Variants in CTNNA2 observed in about 807,000 individuals in gnomAD.
CTNNA2 encodes catenin alpha-2.
CTNNA2 carries 42 observed loss-of-function variants against 101.0 expected under a neutral mutation model. The observed-to-expected ratio is 0.42, with a 90% CI of 0.32 to 0.54. The LOEUF (loss-of-function observed/expected upper bound fraction) is 0.54. Ranked by LOEUF, CTNNA2 falls within the 20% of genes least tolerant of loss-of-function variation. The pLI, the probability that CTNNA2 is intolerant of heterozygous loss-of-function variation, is 0.14. For synonymous variants in CTNNA2, 450 were observed against 456.4 expected (o/e 0.99, Z 0.18); for missense variants, 871 against 1,223.1 (o/e 0.71, Z 4.29).
intron 7 of CTNNA2, among the ~76,000 whole-genome samples, chr2:80,006,895 G>A (rs954857953): frequency 2.0e-5 from 3 of 152,130 alleles, no homozygotes; most frequent in Non-Finnish European, 4.4e-5. Context: ...CAAGAGTTGA[G>A]AACTTACCCT....
intron 7 of CTNNA2, among the ~76,000 whole-genome samples, chr2:80,258,383 A>G (rs1672334850): frequency 6.6e-6 from 1 of 152,194 alleles, no homozygotes; most frequent in Admixed American, 6.5e-5. Context: ...TAATTTGTGC[A>G]ACACTTTTTC....
intron 7 of CTNNA2, among the ~76,000 whole-genome samples, chr2:79,998,610 C>T (rs531868777): frequency 6.6e-6 from 1 of 152,076 alleles, no homozygotes; most frequent in African/African-American, 2.4e-5. Flanking sequence ...GAAAGATAAA[C>T]CTTCCCAAAC....
At chr2:79,993,131 A>G (rs576966079) in intron 7 of CTNNA2, among the ~76,000 whole-genome samples, 2 of 152,320 alleles carry the variant, frequency 1.3e-5, no homozygotes, top group East Asian at 3.9e-4. Context: ...CAGAGTGGTT[A>G]CTTCCTAACT....
At chr2:79,796,126 T>C (rs1162489544) in intron 3 of CTNNA2, among the ~76,000 whole-genome samples, 4 of 152,202 alleles carry the variant, frequency 2.6e-5, no homozygotes, top group African/African-American at 9.6e-5. Context: ...TTTTTGATAC[T>C]TGGGGTACTA....
chr2:79,379,478 AC>A (rs1678016100), intron 4 of CTNNA2, among the ~76,000 whole-genome samples: 1 of 152,106 alleles, frequency 6.6e-6, no homozygotes, highest in African/African-American at 2.4e-5. Context: ...CATACTGCAT[AC>A]CTTTCCCTTT....
chr2:79,752,585 A>G (rs974646463), intron 3 of CTNNA2, among the ~76,000 whole-genome samples: 1 of 152,204 alleles, frequency 6.6e-6, no homozygotes, highest in African/African-American at 2.4e-5. Flanking sequence ...TATCATTGCA[A>G]TACATATTGA....
chr2:80,604,456 ATTGTC>A (rs1430678667), intron 16 of CTNNA2, among the ~76,000 whole-genome samples: 1 of 151,872 alleles, frequency 6.6e-6, no homozygotes, highest in East Asian at 1.9e-4. Context: ...AGAGTCACGG[ATTGTC>A]CCAGGCTTCC....
chr2:80,522,004 C>A (rs1391441795), intron 9 of CTNNA2, among the ~76,000 whole-genome samples: 1 of 151,974 alleles, frequency 6.6e-6, no homozygotes, highest in Non-Finnish European at 1.5e-5. Flanking sequence ...AATATACAGC[C>A]CCAAGTGGTT....
chr2:79,827,174 G>A (rs1678512651), intron 3 of CTNNA2, among the ~76,000 whole-genome samples: 1 of 151,960 alleles, frequency 6.6e-6, no homozygotes, highest in African/African-American at 2.4e-5. Context: ...GAGTAGCTAG[G>A]ATTACAGGCG....
intron 4 of CTNNA2, among the ~76,000 whole-genome samples, chr2:79,465,126 G>T (rs1193370687): frequency 2.0e-5 from 3 of 152,136 alleles, no homozygotes; most frequent in South Asian, 4.1e-4. Flanking sequence ...GGTCTAACAT[G>T]TAAGTCTTTA....
At chr2:79,185,881 T>A (rs565182054) in intron 1 of CTNNA2, among the ~76,000 whole-genome samples, 1 of 152,170 alleles carries the variant, frequency 6.6e-6, no homozygotes, top group Non-Finnish European at 1.5e-5. Flanking sequence ...AAAGGGAAGA[T>A]GTGTGGTGTT....
At position 79,845,925 on chromosome 2, in the gene CTNNA2, T is replaced by C. The variant is rs1574116280; in HGVS notation, c.299-12088T>C. On this transcript the variant is annotated intron_variant, in intron 3 of 18. Transcript: ENST00000402739. ...GGTGACGTGGGGACCTCCCACAGTTTAGTAAAGAGGCCTTGTGGCTATAAT... is the reference window on the plus strand; with the variant it reads ...GGTGACGTGGGGACCTCCCACAGTTCAGTAAAGAGGCCTTGTGGCTATAAT... Among the ~76,000 whole-genome samples, 3 of 152,296 alleles carry C rather than the reference T, an allele frequency of 2.0e-5. 1 individual carries two copies. The highest frequency in any genetic ancestry group is 4.1e-4 in the South Asian group (2 of 4,826).
intron 3 of CTNNA2, among the ~76,000 whole-genome samples, chr2:79,763,854 T>C (rs1282030314): frequency 6.6e-6 from 1 of 152,238 alleles, no homozygotes; most frequent in African/African-American, 2.4e-5. Context: ...TCAGGTATGA[T>C]AGTCTTTCTT....
At chr2:80,578,449 T>C (rs967274438) in intron 13 of CTNNA2, among the ~76,000 whole-genome samples, 4 of 152,202 alleles carry the variant, frequency 2.6e-5, no homozygotes, top group African/African-American at 9.6e-5. Flanking sequence ...TAATTTTCCA[T>C]GTTTCCTTTA....
intron 3 of CTNNA2, among the ~76,000 whole-genome samples, chr2:79,344,489 T>C (rs2104432056): frequency 6.6e-6 from 1 of 152,188 alleles, no homozygotes; most frequent in East Asian, 1.9e-4. Context: ...TAGGTCTCTA[T>C]ACCAGTGCAC....
intron 3 of CTNNA2, among the ~76,000 whole-genome samples, chr2:79,351,153 T>C (rs994369456): frequency 3.9e-5 from 6 of 152,228 alleles, no homozygotes; most frequent in African/African-American, 1.4e-4. Flanking sequence ...CATTTGTCTA[T>C]TTTTGTTTCT....
intron 2 of CTNNA2, among the ~76,000 whole-genome samples, chr2:79,721,645 C>G (rs1175597579): frequency 2.0e-4 from 30 of 152,294 alleles, no homozygotes; most frequent in Non-Finnish European, 8.8e-5. Flanking sequence ...ACATACTTAT[C>G]CCTGAATATC....
intron 7 of CTNNA2, among the ~76,000 whole-genome samples, chr2:79,940,954 T>A (rs991048979): frequency 6.6e-6 from 1 of 152,214 alleles, no homozygotes; most frequent in Non-Finnish European, 1.5e-5. Flanking sequence ...TGAACCATTG[T>A]AAGTCGAGGA....
chr2:80,141,607 A>G (rs1293694300), intron 7 of CTNNA2, among the ~76,000 whole-genome samples: 1 of 152,124 alleles, frequency 6.6e-6, no homozygotes, highest in Non-Finnish European at 1.5e-5. Context: ...ATAAACCACC[A>G]TGAAGGGCAA....
Sources: gnomAD v4.1 joint callset for allele counts (sites outside exome capture counted in the v4.1 genomes callset) on GRCh38, gnomAD v4.1.1 for gene constraint, MANE v1.5 for transcripts, NCBI Gene and HGNC (gene_info 2026-07-23, HGNC 2026-07-21) for gene names.